The following SMYD2 variants were observed in gnomAD, a reference collection of about 807,000 sequenced individuals.
SMYD2 encodes the protein N-lysine methyltransferase SMYD2.
A neutral mutation model predicts 59.1 loss-of-function variants in SMYD2; 53 were observed. The observed-to-expected ratio is 0.90, with a 90% CI of 0.72 to 1.13. The LOEUF (loss-of-function observed/expected upper bound fraction) is 1.13, where lower values mean the gene tolerates loss of function less well. Among genes scored for constraint, SMYD2 ranks in the 50% most tolerant of loss-of-function variants. The pLI is 0.00. For missense variants in SMYD2, 494 were observed against 544.7 expected, an observed-to-expected ratio of 0.91 and a Z score of 0.93; for synonymous variants, 208 against 198.8, an observed-to-expected ratio of 1.05 and a Z score of -0.39.
At chr1:214,302,156 A>G (rs1386325154) in intron 1 of SMYD2, among the ~76,000 whole-genome samples, 1 of 152,082 alleles carries the variant, frequency 6.6e-6, no homozygotes, top group African/African-American at 2.4e-5. Flanking sequence ...ATCCTGGCCA[A>G]CATGGTGAAA....
intron 5 of SMYD2, 138 bp from the exon 6 acceptor site, chr1:214,324,503 T>C: frequency 1.4e-6 from 1 of 708,726 alleles, no homozygotes; most frequent in Non-Finnish European, 2.3e-6. Flanking sequence ...AACGATAACA[T>C]GGGCAAAAGA....
At chr1:214,316,406 G>A (rs1039701636) in intron 3 of SMYD2, among the ~76,000 whole-genome samples, 4 of 151,820 alleles carry the variant, frequency 2.6e-5, no homozygotes, top group Non-Finnish European at 5.9e-5. Flanking sequence ...ACTGGAACCC[G>A]GAACTTCAAG....
chr1:214,335,880 C>A lies in SMYD2; in HGVS notation c.1222-824C>A, dbSNP rs1362443317. Among the ~76,000 whole-genome samples, 5 of 152,146 alleles carry A rather than the reference C, an allele frequency of 3.3e-5. No individual in the cohort carries two copies. In the South Asian group the frequency reaches 8.3e-4, roughly 25 times the overall value. On this transcript the variant is annotated intron_variant, in intron 11 of 11. Coordinates refer to ENST00000366957, the MANE Select transcript of SMYD2 (RefSeq NM_020197.3). ...CATTCTCTAGCATCCCTCAATGAAACCTGCTACCTTTCTTTTAAGTTTTTA... is the reference window on the plus strand; with the variant it reads ...CATTCTCTAGCATCCCTCAATGAAAACTGCTACCTTTCTTTTAAGTTTTTA...
At chr1:214,300,221 A>G (rs1571922814) in intron 1 of SMYD2, among the ~76,000 whole-genome samples, 1 of 152,176 alleles carries the variant, frequency 6.6e-6, no homozygotes, top group African/African-American at 2.4e-5. Flanking sequence ...GAGCCAGGCA[A>G]AGCTTTTCAG....
At chr1:214,315,515 C>CT (rs1657071696) in intron 3 of SMYD2, among the ~76,000 whole-genome samples, 1 of 152,208 alleles carries the variant, frequency 6.6e-6, no homozygotes, top group African/African-American at 2.4e-5. Context: ...GATGCCAACT[C>CT]TGACTATTCT....
At chr1:214,310,101 C>G (rs1315030526) in intron 2 of SMYD2, among the ~76,000 whole-genome samples, 1 of 152,186 alleles carries the variant, frequency 6.6e-6, no homozygotes, top group African/African-American at 2.4e-5. Flanking sequence ...AATCCAGTCT[C>G]CTTATCGAGG....
chr1:214,310,840 C>T (rs1656988877), intron 2 of SMYD2, among the ~76,000 whole-genome samples: 1 of 152,148 alleles, frequency 6.6e-6, no homozygotes, highest in Non-Finnish European at 1.5e-5. Flanking sequence ...TATGGACCAT[C>T]TCTATGATAG....
chr1:214,325,619 C>T (rs1657247345), intron 6 of SMYD2, among the ~76,000 whole-genome samples: 1 of 152,104 alleles, frequency 6.6e-6, no homozygotes, highest in Admixed American at 6.5e-5. Context: ...TTGTGTAGGT[C>T]AGAAAGAGAA....
At chr1:214,297,903 T>C (rs1480195473) in intron 1 of SMYD2, among the ~76,000 whole-genome samples, 1 of 152,020 alleles carries the variant, frequency 6.6e-6, no homozygotes, top group Non-Finnish European at 1.5e-5. Flanking sequence ...AAATTAGAGA[T>C]GACACAAACA....
At chr1:214,281,511 C>A (rs1397848367) in intron 1 of SMYD2, 84 bp downstream of exon 1, 3 of 1,116,784 alleles carry the variant, frequency 2.7e-6, no homozygotes, top group East Asian at 8.5e-5. Flanking sequence ...GAAGTGCGTG[C>A]GGCTCGCGGG....
At chr1:214,298,222 C>T (rs866722181) in intron 1 of SMYD2, among the ~76,000 whole-genome samples, 2 of 152,210 alleles carry the variant, frequency 1.3e-5, no homozygotes, top group East Asian at 3.9e-4. Context: ...ACCAGCAGAA[C>T]GGAATAGAGA....
intron 1 of SMYD2, among the ~76,000 whole-genome samples, chr1:214,284,088 T>G (rs2102450300): frequency 6.6e-6 from 1 of 152,210 alleles, no homozygotes; most frequent in South Asian, 2.1e-4. Context: ...TTGGAGAACA[T>G]GCGTATCTTG....
intron 3 of SMYD2, among the ~76,000 whole-genome samples, chr1:214,316,224 A>G (rs1657082634): frequency 1.3e-5 from 2 of 152,178 alleles, no homozygotes; most frequent in Admixed American, 6.6e-5. Flanking sequence ...TAATCTTAGC[A>G]CTTTGGGAGG....
chr1:214,281,528 G>A (rs1314457293), intron 1 of SMYD2, 101 bp downstream of exon 1: 14 of 363,824 alleles, frequency 3.8e-5, no homozygotes, highest in Non-Finnish European at 5.4e-5. Context: ...CGGGGTCCTA[G>A]CGCCGGCCCT....
At chr1:214,285,062 A>G (rs1334252573) in intron 1 of SMYD2, among the ~76,000 whole-genome samples, 10 of 152,188 alleles carry the variant, frequency 6.6e-5, no homozygotes, top group African/African-American at 9.7e-5. Context: ...TCCTTGGAAT[A>G]GAGCTGTTAG....
rs543893480 is a variant in SMYD2, at chr1:214,317,116, T to A, written c.349-963T>A. 2.0e-5 allele frequency among the ~76,000 whole-genome samples: 3 copies of A among 152,292 alleles called. No individual in the cohort carries two copies. The South Asian group carries it at 6.2e-4, about 32-fold the overall frequency. ...AGATGACTTATAAATCTTATAAAAATGCATCCCGTGAATGGAAGATTTCTG... is the reference window on the plus strand; with the variant it reads ...AGATGACTTATAAATCTTATAAAAAAGCATCCCGTGAATGGAAGATTTCTG... On this transcript the variant is annotated intron_variant, in intron 3 of 11. Transcript: ENST00000366957.
chr1:214,298,961 TG>T, intron 1 of SMYD2, among the ~76,000 whole-genome samples: 1 of 152,210 alleles, frequency 6.6e-6, no homozygotes, highest in South Asian at 2.1e-4. Context: ...GAGACCAGCC[TG>T]GGCAACATAG....
chr1:214,334,753 A>G lies in SMYD2; in HGVS notation c.1221+445A>G, dbSNP rs1224056559. ...GTTCATTGAGGACCAGTTACATACCAAGACCCTCGTGTGCTTTTCCTTTGA... is the reference window on the plus strand; with the variant it reads ...GTTCATTGAGGACCAGTTACATACCGAGACCCTCGTGTGCTTTTCCTTTGA... On this transcript the variant is annotated intron_variant, in intron 11 of 11. Coordinates refer to ENST00000366957, the MANE Select transcript of SMYD2 (RefSeq NM_020197.3). Among the ~76,000 whole-genome samples the G allele has an allele frequency of 2.0e-5, 3 of 152,232 alleles. No individual in the cohort carries two copies. In the East Asian group the frequency reaches 5.8e-4, roughly 29 times the overall value.
chr1:214,331,925 AGAGTG>A, intron 9 of SMYD2, 88 bp from the exon 10 acceptor site: 1 of 1,127,002 alleles, frequency 8.9e-7, no homozygotes, highest in Non-Finnish European at 1.2e-6. Context: ...GGTAAGGGTG[AGAGTG>A]GAGTGGACGA....
Sources: gnomAD v4.1 joint callset for allele counts (sites outside exome capture counted in the v4.1 genomes callset) on GRCh38, gnomAD v4.1.1 for gene constraint, MANE v1.5 for transcripts, NCBI Gene and HGNC (gene_info 2026-07-23, HGNC 2026-07-21) for gene names.